The following PLET1 variants were observed in gnomAD, a reference collection of about 807,000 sequenced individuals.
PLET1 encodes placenta expressed transcript 1.
Under a neutral mutation model 18.5 loss-of-function variants are expected in PLET1, and 20 were observed. The ratio of observed to expected loss-of-function variants is 1.08; its 90% CI spans 0.76 to 1.57. The LOEUF (loss-of-function observed/expected upper bound fraction) is 1.57. Ranked by LOEUF, PLET1 falls within the 40% of genes most tolerant of loss-of-function variation. The probability of loss-of-function intolerance (pLI) is 0.00; values close to 1 mark genes in which losing one functional copy is unlikely to be tolerated. For synonymous variants in PLET1, 93 were observed against 93.8 expected, an observed-to-expected ratio of 0.99 and a Z score of 0.05; for missense variants, 256 against 246.4, an observed-to-expected ratio of 1.04 and a Z score of -0.26.
intron 2 of PLET1, among the ~76,000 whole-genome samples, chr11:112,254,523 TGTATGTGTGTG>T (rs1282229547): frequency 7.2e-6 from 1 of 139,024 alleles, no homozygotes; most frequent in Non-Finnish European, 1.5e-5. Flanking sequence ...GTGTGTGGTA[TGTATGTGTGTG>T]GTATGTGTGT....
At chr11:112,254,648 GTGTGCTGT>G (rs1566828893) in intron 2 of PLET1, among the ~76,000 whole-genome samples, 1 of 145,264 alleles carries the variant, frequency 6.9e-6, no homozygotes. Flanking sequence ...GGTGTGTGGT[GTGTGCTGT>G]GTGTGTGATG....
chr11:112,257,604 T>C (rs918811134), intron 1 of PLET1, among the ~76,000 whole-genome samples: 4 of 151,774 alleles, frequency 2.6e-5, no homozygotes, highest in Admixed American at 2.0e-4. Flanking sequence ...CTCTTGCCCA[T>C]AGAAGTTTTT....
chr11:112,255,139 ATG>A (rs764398372), intron 2 of PLET1, among the ~76,000 whole-genome samples: 3 of 107,654 alleles, frequency 2.8e-5, no homozygotes, highest in East Asian at 6.5e-4. Context: ...TGTGGGGTGC[ATG>A]TGTGTGTGTG....
intron 1 of PLET1, 77 bp from the exon 2 acceptor site, chr11:112,255,666 C>T (rs1175456720): frequency 7.2e-6 from 9 of 1,253,956 alleles, no homozygotes; most frequent in Non-Finnish European, 9.1e-6. Flanking sequence ...GCAGTGAAAT[C>T]AAAACAAAGC....
In PLET1 at chr11:112,255,552, G is replaced by A. The variant is rs1472238850; in HGVS notation, c.222C>T (p.Val74=). ...VPVNDSVYAV[V]MKTLDENSDS... ...CACTGTTCTCGTCCAAGGTTTTCATGACCACAGCATAGACGCTGTCATTCA... is the reference window on the plus strand; with the variant it reads ...CACTGTTCTCGTCCAAGGTTTTCATAACCACAGCATAGACGCTGTCATTCA... Residue 74 remains valine, a synonymous_variant, in exon 2 of 4, where the codon GTC becomes GTT. Transcript: ENST00000338832. 3.9e-6 allele frequency: 6 copies of A among 1,551,438 alleles called. No homozygotes were observed. Among genetic ancestry groups the A allele is most frequent in the Middle Eastern group, 1.7e-4 (1 of 5,910 alleles).
In PLET1 at chr11:112,252,369, T is replaced by C. The variant is rs1205794010; in HGVS notation, c.427A>G (p.Thr143Ala). 6.4e-7 allele frequency: 1 copy of C among 1,551,224 alleles called. No homozygotes were observed. Among genetic ancestry groups the C allele is most frequent in the South Asian group, 1.2e-5 (1 of 84,052 alleles). ...TCACGTTTTTCTCTTAGCTTCAGAG[T>C]AGAAAGTATAGGCAGCGCTCTGATC... Reference protein sequence around the residue: ...VQIRALPILSTLKLREKLSTL... With the variant: ...VQIRALPILSALKLREKLSTL... The change falls in exon 3 of 4, where the codon ACT becomes GCT. Residue 143 changes from threonine (T) to alanine (A), a missense_variant. Thr to Ala is a moderately conservative substitution (Grantham distance 58, BLOSUM62 0). Transcript: ENST00000338832.
At position 112,260,379 on chromosome 11, in the gene PLET1, A is replaced by T. The variant is rs1408637386; in HGVS notation, c.184+27T>A. 4 of 1,536,122 alleles carry T rather than the reference A, an allele frequency of 2.6e-6. No individual in the cohort carries two copies. In the African/African-American group the frequency reaches 5.5e-5, roughly 21 times the overall value. On this transcript the variant is annotated intron_variant, in intron 1 of 3. Transcript: ENST00000338832. ...GTTAATTTCCCTCAGGGAACAAAGG[A>T]CAGCAGAGAGCATGGCTTCTACTCA...
intron 1 of PLET1, among the ~76,000 whole-genome samples, chr11:112,258,269 A>ATTTC (rs1181071782): frequency 1.4e-5 from 2 of 139,552 alleles, no homozygotes; most frequent in East Asian, 2.1e-4. Flanking sequence ...CATATGATAG[A>ATTTC]TTTCTTTCTT....
At chr11:112,252,469 C>T in intron 2 of PLET1, 60 bp from the exon 3 acceptor site, 1 of 1,460,598 alleles carries the variant, frequency 6.8e-7, no homozygotes, top group Non-Finnish European at 9.4e-7. Flanking sequence ...TTCACAAGTT[C>T]AGCTCACATT....
chr11:112,250,616 G>A (rs1006326768), intron 3 of PLET1, among the ~76,000 whole-genome samples: 1 of 152,130 alleles, frequency 6.6e-6, no homozygotes, highest in Non-Finnish European at 1.5e-5. Context: ...ACATAGACAA[G>A]GCCCCTATAC....
chr11:112,251,854 T>C (rs796526621), intron 3 of PLET1, among the ~76,000 whole-genome samples: 4 of 152,318 alleles, frequency 2.6e-5, no homozygotes, highest in African/African-American at 9.6e-5. Context: ...AGTAGAGTGG[T>C]GGTGGCCACA....
chr11:112,250,853 A>G (rs1377682138), intron 3 of PLET1, among the ~76,000 whole-genome samples: 1 of 152,228 alleles, frequency 6.6e-6, no homozygotes, highest in Non-Finnish European at 1.5e-5. Flanking sequence ...CTTGAGGAAA[A>G]AACTACTCTC....
At chr11:112,249,073 G>C in intron 3 of PLET1, 99 bp from the exon 4 acceptor site, 1 of 1,073,614 alleles carries the variant, frequency 9.3e-7, no homozygotes, top group Non-Finnish European at 1.3e-6. Context: ...TAATCTGATG[G>C]AATGCTAGAG....
chr11:112,254,846 G>GGT (rs1315192573), intron 2 of PLET1, among the ~76,000 whole-genome samples: 9 of 140,176 alleles, frequency 6.4e-5, no homozygotes, highest in African/African-American at 1.1e-4. Flanking sequence ...TGTTGTGTGT[G>GGT]GTGTGTGTGT....
At chr11:112,259,376 T>G (rs915747053) in intron 1 of PLET1, among the ~76,000 whole-genome samples, 2 of 152,218 alleles carry the variant, frequency 1.3e-5, no homozygotes, top group African/African-American at 4.8e-5. Context: ...ATCTCCCTAA[T>G]AGGTCACTAT....
At position 112,260,576 on chromosome 11, in the gene PLET1, T is replaced by G; in HGVS notation, c.14A>C (p.His5Pro). The G allele has an allele frequency of 6.4e-7, 1 of 1,551,240 alleles. No individual in the cohort carries two copies. The highest frequency in any genetic ancestry group is 8.7e-7 in the Non-Finnish European group (1 of 1,146,844). Residue 5 changes from histidine to proline, a missense_variant, in exon 1 of 4, where the codon CAT (histidine) becomes CCT (proline). Physicochemically the swap from His to Pro is moderately conservative, Grantham distance 77. Coordinates refer to ENST00000338832, the MANE Select transcript of PLET1 (RefSeq NM_001145024.1). MAVFHDMLLQPLGMF... is the reference protein window; with the variant it reads MAVFPDMLLQPLGMF... ...CCCCAGTGGCTGCAGCAGCATGTCA[T>G]GGAAGACTGCCATGGTCTCAGTCTG...
rs1275716454 is a variant in PLET1 at position 112,248,814 on chromosome 11, G to A, written c.609C>T (p.Ser203=). The A allele has an allele frequency of 1.3e-6, 2 of 1,551,612 alleles. No homozygotes were observed. Among genetic ancestry groups the A allele is most frequent in the South Asian group, 1.2e-5 (1 of 84,044 alleles). Residue 203 remains serine (S), a synonymous_variant, in exon 4 of 4, where the codon AGC becomes AGT. Coordinates refer to ENST00000338832, the MANE Select transcript of PLET1 (RefSeq NM_001145024.1). ...AIYILLAFLT[S]TLLF is the part of the protein sequence containing the mutation. ...TGGCTTCCCTTTAGAAGAGAAGTGT[G>A]CTGGTGAGAAAAGCAAGCAGGATAT...
intron 2 of PLET1, among the ~76,000 whole-genome samples, chr11:112,254,910 GT>G (rs1231430645): frequency 6.5e-4 from 85 of 129,786 alleles, no homozygotes; most frequent in South Asian, 4.4e-3. Flanking sequence ...TGTGGTGTGT[GT>G]GGGGTATGTA....
rs1422246411 is a variant in PLET1 at position 112,248,981 on chromosome 11, A to G, written c.449-7T>C. 6.5e-7 allele frequency: 1 copy of G among 1,549,544 alleles called. No individual in the cohort carries two copies. Among genetic ancestry groups the G allele is most frequent in the South Asian group, 1.2e-5 (1 of 83,948 alleles). On this transcript the variant is annotated splice_polypyrimidine_tract_variant and splice_region_variant and intron_variant, in intron 3 of 3. Coordinates refer to ENST00000338832, the MANE Select transcript of PLET1 (RefSeq NM_001145024.1). ...GCTAAGGCTAAGGTTGACACTGGAA[A>G]GGTGGTTGAGGGTGCGGTTGGCACT... is the stretch of plus-strand genomic sequence containing the variant.
Sources: gnomAD v4.1 joint callset for allele counts (sites outside exome capture counted in the v4.1 genomes callset) on GRCh38, gnomAD v4.1.1 for gene constraint, MANE v1.5 for transcripts, NCBI Gene and HGNC (gene_info 2026-07-23, HGNC 2026-07-21) for gene names.